Variants in IFT88 observed in about 807,000 individuals in gnomAD.
The protein encoded by IFT88 is intraflagellar transport protein 88 homolog.
Under a neutral mutation model 119.5 loss-of-function variants are expected in IFT88, and 74 were observed. The observed-to-expected ratio is 0.62, with a 90% CI of 0.51 to 0.75. IFT88 has a LOEUF of 0.75. IFT88 is among the 30% of genes least tolerant of loss of function. The probability of loss-of-function intolerance (pLI) is 0.00; values close to 1 mark genes in which losing one functional copy is unlikely to be tolerated. For missense variants in IFT88, 961 were observed against 977.7 expected, an observed-to-expected ratio of 0.98 and a Z score of 0.23; for synonymous variants, 279 against 316.7, an observed-to-expected ratio of 0.88 and a Z score of 1.26.
intron 24 of IFT88, among the ~76,000 whole-genome samples, chr13:20,676,953 T>C (rs537531831): frequency 9.1e-4 from 139 of 152,248 alleles, no homozygotes; most frequent in African/African-American, 2.9e-3. Flanking sequence ...ACACACATTT[T>C]ATGAGTTTTT....
intron 21 of IFT88, among the ~76,000 whole-genome samples, chr13:20,655,920 T>C (rs1031924437): frequency 6.6e-6 from 1 of 152,060 alleles, no homozygotes; most frequent in African/African-American, 2.4e-5. Context: ...TTTTAGAAAA[T>C]TGAATGGATC....
chr13:20,628,773 A>G (rs1477247547), intron 15 of IFT88, among the ~76,000 whole-genome samples: 1 of 152,206 alleles, frequency 6.6e-6, no homozygotes, highest in East Asian at 1.9e-4. Flanking sequence ...TAAGTTGTAA[A>G]TACCTTTGCC....
intron 24 of IFT88, among the ~76,000 whole-genome samples, chr13:20,681,500 C>T (rs566672970): frequency 6.6e-6 from 1 of 152,320 alleles, no homozygotes; most frequent in South Asian, 2.1e-4. Context: ...GCTGTATCTG[C>T]GTTTGAGACC....
intron 17 of IFT88, 111 bp from the exon 18 acceptor site, chr13:20,641,179 T>G (rs2049895163): frequency 1.5e-6 from 1 of 681,502 alleles, no homozygotes. Context: ...ATCTTCATTT[T>G]CTCTTCTGGA....
At chr13:20,646,969 A>G (rs994083040) in intron 20 of IFT88, among the ~76,000 whole-genome samples, 1 of 152,056 alleles carries the variant, frequency 6.6e-6, no homozygotes, top group Non-Finnish European at 1.5e-5. Context: ...AATACTGTCA[A>G]AGGTAAATTA....
At chr13:20,586,174 T>C (rs1008058117) in intron 3 of IFT88, among the ~76,000 whole-genome samples, 9 of 152,234 alleles carry the variant, frequency 5.9e-5, no homozygotes, top group South Asian at 2.1e-4. Flanking sequence ...CTCACAGTTA[T>C]CTGTAACTGG....
intron 24 of IFT88, among the ~76,000 whole-genome samples, chr13:20,672,277 C>G (rs2056016862): frequency 6.6e-6 from 1 of 152,142 alleles, no homozygotes; most frequent in South Asian, 2.1e-4. Context: ...ACTTGATTCC[C>G]CAAGAGTCAG....
intron 21 of IFT88, among the ~76,000 whole-genome samples, chr13:20,656,122 T>TAAAAAAAAAAAAA (rs60352862): frequency 3.8e-5 from 4 of 104,774 alleles, no homozygotes; most frequent in African/African-American, 7.6e-5. Context: ...CTCGTCTCTT[T>TAAAAAAAAAAAAA]AAAAAAAAAA....
chr13:20,683,037 T>C (rs537958025), intron 24 of IFT88, among the ~76,000 whole-genome samples: 1 of 152,346 alleles, frequency 6.6e-6, no homozygotes, highest in Non-Finnish European at 1.5e-5. Context: ...ACTGAATTAA[T>C]GGCTCTAAGA....
chr13:20,627,056 A>T (rs2140004102), intron 15 of IFT88, among the ~76,000 whole-genome samples: 1 of 152,342 alleles, frequency 6.6e-6, no homozygotes, highest in African/African-American at 2.4e-5. Context: ...AGAGTAGAAA[A>T]AAGCAACCCC....
At chr13:20,661,641 A>G (rs905911308) in intron 22 of IFT88, among the ~76,000 whole-genome samples, 2 of 152,030 alleles carry the variant, frequency 1.3e-5, no homozygotes, top group African/African-American at 4.8e-5. Flanking sequence ...AGGCTGAGGC[A>G]GGAGAATTGC....
At chr13:20,678,280 C>T (rs1397664599) in intron 24 of IFT88, among the ~76,000 whole-genome samples, 1 of 152,184 alleles carries the variant, frequency 6.6e-6, no homozygotes. Context: ...AGACCCTAAC[C>T]CAGCAGTGCT....
At chr13:20,594,496 CTG>C (rs2041297634) in intron 7 of IFT88, among the ~76,000 whole-genome samples, 1 of 152,102 alleles carries the variant, frequency 6.6e-6, no homozygotes, top group Admixed American at 6.5e-5. Flanking sequence ...GTGGCAGGCT[CTG>C]TGTGGGTAGG....
chr13:20,584,085 T>A (rs187227854), intron 3 of IFT88, among the ~76,000 whole-genome samples: 150 of 152,278 alleles, frequency 9.9e-4, no homozygotes, highest in African/African-American at 3.4e-3. Flanking sequence ...TTTGTTCTTT[T>A]TCACAGTTGT....
intron 11 of IFT88, among the ~76,000 whole-genome samples, chr13:20,600,144 C>T (rs2042358656): frequency 6.6e-6 from 1 of 151,978 alleles, no homozygotes; most frequent in African/African-American, 2.4e-5. Context: ...TTTGCAATAC[C>T]ATCTTTTAAG....
chr13:20,687,025 A>C (rs1327262766), intron 24 of IFT88, among the ~76,000 whole-genome samples: 33 of 91,636 alleles, frequency 3.6e-4, no homozygotes, highest in Middle Eastern at 6.0e-3. Context: ...TTCTTACCAA[A>C]AAAAAAAAAA....
At chr13:20,584,168 A>AAG (rs397827664) in intron 3 of IFT88, among the ~76,000 whole-genome samples, 5 of 151,178 alleles carry the variant, frequency 3.3e-5, no homozygotes, top group Non-Finnish European at 5.9e-5. Context: ...AAAAAAAAAA[A>AAG]TGTCATTTGG....
Position 20,691,195 on chromosome 13 carries a change from TAAAGG to T in IFT88, c.*25_*29del. ...GAATAATATTCACTTTAATATTTATTAAAGGAAAGAAATTGCCTTATGAGATCATC... is the reference window on the plus strand; with the variant it reads ...GAATAATATTCACTTTAATATTTATTAAAGAAATTGCCTTATGAGATCATC... On this transcript the variant is annotated 3_prime_UTR_variant, in exon 26 of 26. Coordinates refer to ENST00000351808, the MANE Select transcript of IFT88 (RefSeq NM_006531.5). 1.9e-6 allele frequency: 3 copies of T among 1,598,222 alleles called. No individual in the cohort carries two copies. In the South Asian group the frequency reaches 3.4e-5, roughly 18 times the overall value.
chr13:20,648,902 C>CT lies in IFT88; in HGVS notation c.1949+3947dup, dbSNP rs1319488350. Among the ~76,000 whole-genome samples, 30 of 152,206 alleles carry CT rather than the reference C, an allele frequency of 2.0e-4. 1 individual carries two copies. The South Asian group carries it at 5.8e-3, about 29-fold the overall frequency. ...CTTTATTATTGTCAGACAAAACAGG[C>CT]TTTAAGTCACAAAAGGTTACAAGAG... On this transcript the variant is annotated intron_variant, in intron 20 of 25. Coordinates refer to ENST00000351808, the MANE Select transcript of IFT88 (RefSeq NM_006531.5).
Sources: allele counts gnomAD v4.1 joint callset (sites outside exome capture counted in the v4.1 genomes callset), GRCh38; gene constraint gnomAD v4.1.1; transcripts MANE v1.5; gene names NCBI Gene and HGNC (gene_info 2026-07-23, HGNC 2026-07-21).